The following ENOX1 variants were observed in gnomAD, a reference collection of about 807,000 sequenced individuals.
ENOX1 encodes the protein ecto-NOX disulfide-thiol exchanger 1, also known as candidate growth-related and time keeping constitutive hydroquinone (NADH) oxidase.
A neutral mutation model predicts 82.5 loss-of-function variants in ENOX1; 42 were observed. The observed-to-expected ratio is 0.51, with a 90% CI of 0.40 to 0.66. The LOEUF (loss-of-function observed/expected upper bound fraction) is 0.66, where lower values mean the gene tolerates loss of function less well. Ranked by LOEUF, ENOX1 falls within the 30% of genes least tolerant of loss-of-function variation. The pLI, the probability that ENOX1 is intolerant of heterozygous loss-of-function variation, is 0.00. For synonymous variants in ENOX1, 271 were observed against 282.2 expected, an observed-to-expected ratio of 0.96 and a Z score of 0.40; for missense variants, 608 against 811.6, an observed-to-expected ratio of 0.75 and a Z score of 3.05.
At chr13:43,293,334 C>T (rs2046111755) in intron 12 of ENOX1, among the ~76,000 whole-genome samples, 1 of 152,088 alleles carries the variant, frequency 6.6e-6, no homozygotes, top group Admixed American at 6.6e-5. Flanking sequence ...CCATCTTCAC[C>T]ACCATAGTTA....
At chr13:43,778,235 G>A (rs1231280941) in intron 1 of ENOX1, among the ~76,000 whole-genome samples, 1 of 152,194 alleles carries the variant, frequency 6.6e-6, no homozygotes, top group Non-Finnish European at 1.5e-5. Context: ...CTTCTAACAA[G>A]CTTCAACCTC....
At chr13:43,649,333 G>C (rs1249556637) in intron 2 of ENOX1, among the ~76,000 whole-genome samples, 1 of 152,154 alleles carries the variant, frequency 6.6e-6, no homozygotes, top group African/African-American at 2.4e-5. Context: ...ACAATGCAGG[G>C]CAACGCAAAT....
At chr13:43,709,848 A>G (rs2087568966) in intron 1 of ENOX1, among the ~76,000 whole-genome samples, 3 of 152,182 alleles carry the variant, frequency 2.0e-5, no homozygotes, top group South Asian at 4.1e-4. Context: ...CAATAATCAT[A>G]AAAAACAGAA....
At chr13:43,476,194 A>T (rs1333862564) in intron 3 of ENOX1, among the ~76,000 whole-genome samples, 1 of 152,170 alleles carries the variant, frequency 6.6e-6, no homozygotes, top group Non-Finnish European at 1.5e-5. Context: ...CAGTAATTCA[A>T]AAAAAGATTT....
intron 12 of ENOX1, among the ~76,000 whole-genome samples, chr13:43,289,896 A>G (rs1008196787): frequency 6.6e-6 from 1 of 152,212 alleles, no homozygotes; most frequent in Non-Finnish European, 1.5e-5. Context: ...AAATAACCCC[A>G]TTAAAAAATG....
rs2085364683 is a variant in ENOX1, at chr13:43,673,496, A to AT, written c.-284-5953dup. 2.0e-5 allele frequency among the ~76,000 whole-genome samples: 3 copies of AT among 152,370 alleles called. No homozygotes were observed. The East Asian group carries it at 5.8e-4, about 29-fold the overall frequency. ...CAATTACAGCTTCAGTCGTTCATGA[A>AT]TAAAGCCTCTTTAACATTTTAATGA... On this transcript the variant is annotated intron_variant, in intron 1 of 16. Coordinates refer to ENST00000690772, the MANE Select transcript of ENOX1 (RefSeq NM_001347969.2).
chr13:43,505,148 T>C (rs2077109059), intron 2 of ENOX1, among the ~76,000 whole-genome samples: 1 of 151,898 alleles, frequency 6.6e-6, no homozygotes, highest in African/African-American at 2.4e-5. Context: ...ATACTTGTTC[T>C]AGATGCTTCC....
At chr13:43,544,307 A>G (rs2078880540) in intron 2 of ENOX1, 1 of 152,184 alleles carries the variant, frequency 6.6e-6, no homozygotes, top group Non-Finnish European at 1.5e-5. Flanking sequence ...AGCTAATATT[A>G]TCTCCTTATC....
chr13:43,580,649 T>G (rs1406924090), intron 2 of ENOX1, among the ~76,000 whole-genome samples: 1 of 152,230 alleles, frequency 6.6e-6, no homozygotes, highest in East Asian at 1.9e-4. Context: ...CAAATTCTGA[T>G]GAGCTAGCCA....
intron 16 of ENOX1, among the ~76,000 whole-genome samples, chr13:43,214,482 T>TA (rs913778537): frequency 6.6e-6 from 1 of 152,178 alleles, no homozygotes; most frequent in African/African-American, 2.4e-5. Flanking sequence ...GGAAAGCTAC[T>TA]AGTGGCTTCA....
rs118182853 is a variant in ENOX1, at chr13:43,429,476, A to G, written c.-74-16488T>C. Among the ~76,000 whole-genome samples, 167 of 152,310 alleles carry G rather than the reference A, an allele frequency of 1.1e-3. 1 individual carries two copies. In the East Asian group the frequency reaches 0.029, roughly 26 times the overall value. ...ATTCATTGTTGATACACATGACAGC[A>G]GAATAATAAACTAGGTAGTTTGAGC... On this transcript the variant is annotated intron_variant, in intron 3 of 16. Coordinates refer to ENST00000690772, the MANE Select transcript of ENOX1 (RefSeq NM_001347969.2).
chr13:43,643,454 T>C (rs2083748423), intron 2 of ENOX1, among the ~76,000 whole-genome samples: 1 of 152,150 alleles, frequency 6.6e-6, no homozygotes, highest in Non-Finnish European at 1.5e-5. Context: ...ATCTTCCCAA[T>C]TGTTTAGTTT....
chr13:43,754,349 A>AT (rs201696009), intron 1 of ENOX1, among the ~76,000 whole-genome samples: 2 of 129,182 alleles, frequency 1.5e-5, no homozygotes, highest in African/African-American at 6.9e-5. Context: ...TATTATTATT[A>AT]TTTATTTTTT....
intron 5 of ENOX1, among the ~76,000 whole-genome samples, chr13:43,378,445 A>G (rs911583577): frequency 1.1e-4 from 17 of 152,250 alleles, no homozygotes; most frequent in Non-Finnish European, 1.2e-4. Context: ...TGTGTGTGAT[A>G]AAACTACACT....
At chr13:43,236,266 G>T (rs2042546006) in intron 15 of ENOX1, among the ~76,000 whole-genome samples, 1 of 152,116 alleles carries the variant, frequency 6.6e-6, no homozygotes, top group Non-Finnish European at 1.5e-5. Context: ...TTAATCTCAG[G>T]GTTCAAAGCT....
intron 12 of ENOX1, among the ~76,000 whole-genome samples, chr13:43,285,840 T>TC (rs1203697670): frequency 1.5e-4 from 21 of 143,358 alleles, no homozygotes; most frequent in Non-Finnish European, 2.4e-4. Flanking sequence ...AAAGAGGAAT[T>TC]CCCCCCTCTT....
intron 2 of ENOX1, among the ~76,000 whole-genome samples, chr13:43,631,700 T>C (rs2083224378): frequency 6.6e-6 from 1 of 152,208 alleles, no homozygotes; most frequent in African/African-American, 2.4e-5. Context: ...AGTAGGCTTT[T>C]ATTATTTTTT....
intron 16 of ENOX1, among the ~76,000 whole-genome samples, chr13:43,222,273 T>C (rs1819179962): frequency 6.6e-6 from 1 of 151,956 alleles, no homozygotes; most frequent in African/African-American, 2.4e-5. Flanking sequence ...ACCTGAGCCC[T>C]GAGGATAAGA....
At chr13:43,686,906 A>C (rs2086106117) in intron 1 of ENOX1, among the ~76,000 whole-genome samples, 1 of 152,160 alleles carries the variant, frequency 6.6e-6, no homozygotes, top group Admixed American at 6.6e-5. Context: ...GCCCCAAAGA[A>C]AGGTAGAAAA....
Sources: allele counts gnomAD v4.1 joint callset (sites outside exome capture counted in the v4.1 genomes callset), GRCh38; gene constraint gnomAD v4.1.1; transcripts MANE v1.5; gene names NCBI Gene and HGNC (gene_info 2026-07-23, HGNC 2026-07-21).